C12orf42: variants seen among roughly 807,000 people sequenced by gnomAD.
The protein encoded by C12orf42 is chromosome 12 open reading frame 42.
Under a neutral mutation model 21.6 loss-of-function variants are expected in C12orf42, and 25 were observed. The observed-to-expected ratio is 1.16, with a 90% confidence interval of 0.84 to 1.62. The LOEUF is 1.62. Ranked by LOEUF, C12orf42 falls within the 40% of genes most tolerant of loss-of-function variation. The pLI, the probability that C12orf42 is intolerant of heterozygous loss-of-function variation, is 0.00. For synonymous variants in C12orf42, 174 were observed against 175.0 expected (o/e 0.99, Z 0.05); for missense variants, 483 against 459.3 (o/e 1.05, Z -0.47).
At chr12:103,220,472 C>T in the C12orf42 span, among the ~76,000 whole-genome samples, 1 of 152,058 alleles carries the variant, frequency 6.6e-6, no homozygotes, top group Admixed American at 6.5e-5. Context: ...ATGAAACTGA[C>T]TTTCATTTGT....
intron 4 of C12orf42, 21 bp from the exon 5 acceptor site, chr12:103,306,366 C>A: frequency 6.4e-7 from 1 of 1,559,948 alleles, no homozygotes; most frequent in South Asian, 1.2e-5. Flanking sequence ...TAAATACATT[C>A]GTTTGAAAAA....
chr12:103,322,121 GCGCGCACACACACA>G (rs1385365231), intron 4 of C12orf42, among the ~76,000 whole-genome samples: 17 of 97,742 alleles, frequency 1.7e-4, no homozygotes, highest in East Asian at 1.2e-3. Context: ...GTGCGCGCGC[GCGCGCACACACACA>G]CACACACACA....
intron 2 of C12orf42, among the ~76,000 whole-genome samples, chr12:103,450,848 A>T (rs966194801): frequency 2.0e-5 from 3 of 152,146 alleles, no homozygotes; most frequent in African/African-American, 7.2e-5. Context: ...CTTTCAGTCC[A>T]TAGAAAGTTG....
chr12:103,328,499 T>G (rs903153404), intron 4 of C12orf42, among the ~76,000 whole-genome samples: 2 of 152,226 alleles, frequency 1.3e-5, no homozygotes, highest in African/African-American at 4.8e-5. Context: ...AACAAGATTT[T>G]ATTAAAGTCA....
At chr12:103,448,522 A>G (rs1310730161) in intron 2 of C12orf42, among the ~76,000 whole-genome samples, 1 of 152,096 alleles carries the variant, frequency 6.6e-6, no homozygotes, top group African/African-American at 2.4e-5. Flanking sequence ...GTGAGAGAAA[A>G]TCTTCACAAT....
chr12:103,151,443 C>A, the C12orf42 span, among the ~76,000 whole-genome samples: 1 of 152,012 alleles, frequency 6.6e-6, no homozygotes, highest in African/African-American at 2.4e-5. Flanking sequence ...AGAAAAATTA[C>A]AGATCAATAT....
At chr12:103,268,867 T>C (rs1248032624) in exon 7 of C12orf42, 2 of 152,182 alleles carry the variant, frequency 1.3e-5, no homozygotes, top group African/African-American at 4.8e-5. Context: ...CTCTCTTTTG[T>C]GTGGAGACCC....
rs187655622 is a variant in C12orf42, at chr12:103,381,733, T to C, written c.148-12735A>G. ...GAGATCGAGACCATCCTGGCTAACATGGTGAAACCCCGTCTCTACTAAAAA... is the reference window on the plus strand; with the variant it reads ...GAGATCGAGACCATCCTGGCTAACACGGTGAAACCCCGTCTCTACTAAAAA... On this transcript the variant is annotated intron_variant, in intron 3 of 5. Coordinates refer to ENST00000548883, the MANE Select transcript of C12orf42 (RefSeq NM_198521.5). Among the ~76,000 whole-genome samples the C allele has an allele frequency of 2.9e-4, 44 of 152,184 alleles. 1 individual carries two copies. The highest frequency in any genetic ancestry group is 1.1e-3 in the African/African-American group (44 of 41,554).
At chr12:103,237,958 A>T (rs2033527782) in intron 10 of C12orf42, 1 of 152,230 alleles carries the variant, frequency 6.6e-6, no homozygotes. Context: ...AATATGCAAC[A>T]TCACACTGCA....
chr12:103,276,413 C>G (rs941770026), intron 5 of C12orf42, among the ~76,000 whole-genome samples: 1 of 152,132 alleles, frequency 6.6e-6, no homozygotes, highest in Admixed American at 6.5e-5. Flanking sequence ...GCACTAGGCC[C>G]AGCTCTAGAG....
chr12:103,320,662 T>C (rs1480336043), intron 4 of C12orf42, among the ~76,000 whole-genome samples: 1 of 152,222 alleles, frequency 6.6e-6, no homozygotes, highest in Non-Finnish European at 1.5e-5. Flanking sequence ...ACATTCAATA[T>C]TAGAGATATG....
chr12:103,389,472 G>A (rs141924295), intron 3 of C12orf42, among the ~76,000 whole-genome samples: 9 of 152,272 alleles, frequency 5.9e-5, no homozygotes, highest in African/African-American at 2.2e-4. Context: ...CAGGTGAATT[G>A]CTGCTTTATA....
the C12orf42 span, among the ~76,000 whole-genome samples, chr12:103,219,239 C>T: frequency 1.3e-5 from 2 of 152,198 alleles, no homozygotes; most frequent in Non-Finnish European, 2.9e-5. Context: ...CCCTTCCTTA[C>T]ACCTTATACA....
At chr12:103,096,797 T>C in the C12orf42 span, among the ~76,000 whole-genome samples, 2 of 152,288 alleles carry the variant, frequency 1.3e-5, no homozygotes, top group East Asian at 3.9e-4. Flanking sequence ...GTTTAACACA[T>C]GAGGAAGCTG....
At chr12:103,196,126 T>C in the C12orf42 span, among the ~76,000 whole-genome samples, 1,645 of 152,268 alleles carry the variant, frequency 0.011, 25 homozygotes, top group African/African-American at 0.037. Flanking sequence ...TTTTGTTATG[T>C]TGTAACTTTG....
the C12orf42 span, among the ~76,000 whole-genome samples, chr12:103,119,634 A>G: frequency 0.019 from 2,854 of 152,300 alleles, 45 homozygotes; most frequent in Non-Finnish European, 0.028. Flanking sequence ...CCCCATGAGG[A>G]GAAGGACTAT....
chr12:103,171,882 C>T, the C12orf42 span, among the ~76,000 whole-genome samples: 1 of 151,982 alleles, frequency 6.6e-6, no homozygotes, highest in Non-Finnish European at 1.5e-5. Flanking sequence ...CAAAGGGAAC[C>T]CAGTGTCAAT....
chr12:103,222,409 CG>C, the C12orf42 span, among the ~76,000 whole-genome samples: 3 of 152,080 alleles, frequency 2.0e-5, 1 homozygote, highest in Admixed American at 2.0e-4. Flanking sequence ...AGGCAAGGAC[CG>C]GCCATTTACA....
At chr12:103,407,243 T>C (rs557412518) in intron 2 of C12orf42, among the ~76,000 whole-genome samples, 111 of 152,210 alleles carry the variant, frequency 7.3e-4, no homozygotes, top group African/African-American at 2.4e-3. Context: ...GAGACTGGCA[T>C]TGCATTTTTA....
Sources: allele counts gnomAD v4.1 joint callset (sites outside exome capture counted in the v4.1 genomes callset), GRCh38; gene constraint gnomAD v4.1.1; transcripts MANE v1.5; gene names NCBI Gene and HGNC (gene_info 2026-07-23, HGNC 2026-07-21).